The following DAB1 variants were observed in gnomAD, a reference collection of about 807,000 sequenced individuals.
The protein encoded by DAB1 is disabled homolog 1.
DAB1 carries 15 observed loss-of-function variants against 64.6 expected under a neutral mutation model. The observed-to-expected ratio is 0.23, with a 90% CI of 0.16 to 0.36. The LOEUF (loss-of-function observed/expected upper bound fraction) is 0.36, where lower values mean the gene tolerates loss of function less well. Ranked by LOEUF, DAB1 falls within the 10% of genes least tolerant of loss-of-function variation. The pLI is 1.00. For synonymous variants in DAB1, 235 were observed against 251.9 expected (o/e 0.93, Z 0.64); for missense variants, 596 against 706.7 (o/e 0.84, Z 1.78).
intron 4 of DAB1, among the ~76,000 whole-genome samples, chr1:57,094,479 C>T (rs571132888): frequency 5.9e-5 from 9 of 152,088 alleles, no homozygotes; most frequent in Non-Finnish European, 1.2e-4. Context: ...GACCATCTAC[C>T]GAGGTAAGAG....
At chr1:57,551,482 T>C (rs953813429) in intron 7 of DAB1, among the ~76,000 whole-genome samples, 2 of 152,172 alleles carry the variant, frequency 1.3e-5, no homozygotes, top group Non-Finnish European at 2.9e-5. Flanking sequence ...CTCAGATTCA[T>C]TGGAGCCTTC....
At chr1:57,852,499 C>T (rs1267411189) in intron 1 of DAB1, among the ~76,000 whole-genome samples, 2 of 152,056 alleles carry the variant, frequency 1.3e-5, no homozygotes, top group Non-Finnish European at 2.9e-5. Context: ...GAGAACCATC[C>T]GTGGTGAATG....
rs1265962587 is a variant in DAB1 at position 58,016,979 on chromosome 1, T to G, written n.388-132817A>C. ...GGACAAATCTGAGTGCACGTATTAT[T>G]CTCTGTTATTCGTAGATAAAGAAAT... On this transcript the variant is annotated intron_variant and non_coding_transcript_variant, in intron 5 of 20. Transcript: ENST00000485760. Among the ~76,000 whole-genome samples, 8 of 152,270 alleles carry G rather than the reference T, an allele frequency of 5.3e-5. No homozygotes were observed. In the South Asian group the frequency reaches 6.2e-4, roughly 12 times the overall value.
At position 57,637,832 on chromosome 1, in the gene DAB1, A is replaced by G. The variant is rs143103735; in HGVS notation, n.625+11760T>C. Among the ~76,000 whole-genome samples the G allele has an allele frequency of 5.1e-4, 77 of 152,322 alleles. No individual in the cohort carries two copies. In the East Asian group the frequency reaches 0.013, roughly 26 times the overall value. ...CTGTGTTATGAAGGTGTCCTCATAT[A>G]TAACTGATAAAGATAAAAACTTGCA... On this transcript the variant is annotated intron_variant and non_coding_transcript_variant, in intron 7 of 20. Coordinates refer to the DAB1 transcript ENST00000485760.
chr1:57,333,159 T>G (rs4912237), intron 1 of DAB1, among the ~76,000 whole-genome samples: 37,531 of 152,070 alleles, frequency 0.25, 5,875 homozygotes, highest in Non-Finnish European at 0.36. Context: ...TCTGTTTATT[T>G]ATTGATTGAT....
intron 1 of DAB1, chr1:57,860,484 C>T (rs1424113910): frequency 6.6e-6 from 1 of 152,184 alleles, no homozygotes; most frequent in Non-Finnish European, 1.5e-5. Flanking sequence ...GAATTCCACA[C>T]AGTGTTTGGA....
intron 5 of DAB1, among the ~76,000 whole-genome samples, chr1:58,016,865 C>G (rs982425989): frequency 6.6e-6 from 1 of 152,186 alleles, no homozygotes; most frequent in Non-Finnish European, 1.5e-5. Flanking sequence ...CCTTGACGTA[C>G]AATAGATAAC....
downstream of DAB1, among the ~76,000 whole-genome samples, chr1:57,823,453 C>T (rs1333106105): frequency 1.3e-5 from 2 of 151,852 alleles, no homozygotes; most frequent in East Asian, 3.9e-4. Flanking sequence ...GTTTTTCATG[C>T]AAAAAGTAAG....
chr1:58,019,913 G>A (rs1646792844), intron 5 of DAB1, among the ~76,000 whole-genome samples: 1 of 152,154 alleles, frequency 6.6e-6, no homozygotes, highest in Non-Finnish European at 1.5e-5. Context: ...TGTGAGTAGA[G>A]TAATAAGAAG....
intron 7 of DAB1, among the ~76,000 whole-genome samples, chr1:57,493,719 T>A (rs1044078668): frequency 2.7e-5 from 4 of 150,328 alleles, no homozygotes; most frequent in Admixed American, 6.6e-5. Flanking sequence ...GACCGAAAGA[T>A]GAAGAAAGAA....
chr1:58,085,736 A>C (rs563679811), intron 5 of DAB1, among the ~76,000 whole-genome samples: 2 of 152,100 alleles, frequency 1.3e-5, no homozygotes, highest in Non-Finnish European at 2.9e-5. Flanking sequence ...ATGAAATGAA[A>C]TAATTTCCCC....
At chr1:57,116,286 A>AC (rs1323627688) in intron 4 of DAB1, among the ~76,000 whole-genome samples, 2 of 151,640 alleles carry the variant, frequency 1.3e-5, no homozygotes, top group Admixed American at 6.6e-5. Flanking sequence ...ACATGGTGAA[A>AC]CCCCATCTCT....
At chr1:57,190,530 C>A (rs1664032071) in intron 2 of DAB1, among the ~76,000 whole-genome samples, 1 of 152,146 alleles carries the variant, frequency 6.6e-6, no homozygotes, top group African/African-American at 2.4e-5. Flanking sequence ...CTTCTCAAGA[C>A]AAAGCTCCAG....
intron 9 of DAB1, among the ~76,000 whole-genome samples, chr1:57,057,602 CTGAT>C (rs1649904285): frequency 6.9e-6 from 1 of 144,730 alleles, no homozygotes; most frequent in Non-Finnish European, 1.5e-5. Context: ...AAGGACTACA[CTGAT>C]TCTTTTTTTT....
chr1:58,416,958 T>C (rs1475025961), intron 3 of DAB1, among the ~76,000 whole-genome samples: 1 of 152,248 alleles, frequency 6.6e-6, no homozygotes, highest in Non-Finnish European at 1.5e-5. Flanking sequence ...CCTGGTTACA[T>C]GTCAAAATTA....
At chr1:57,219,592 T>C (rs1283519779) in intron 2 of DAB1, among the ~76,000 whole-genome samples, 2 of 152,138 alleles carry the variant, frequency 1.3e-5, no homozygotes, top group African/African-American at 4.8e-5. Flanking sequence ...CAGGATTACA[T>C]AAATTATATA....
chr1:58,115,234 G>A (rs28436179), intron 5 of DAB1, among the ~76,000 whole-genome samples: 1 of 72,202 alleles, frequency 1.4e-5, no homozygotes, highest in African/African-American at 5.8e-5. Flanking sequence ...AACACATGAA[G>A]AAATGCTCAT....
At chr1:58,031,259 A>T (rs1646965870) in intron 5 of DAB1, among the ~76,000 whole-genome samples, 1 of 152,202 alleles carries the variant, frequency 6.6e-6, no homozygotes, top group Non-Finnish European at 1.5e-5. Flanking sequence ...GGAAGCATGG[A>T]GGCAAGGCTG....
chr1:57,051,617 G>A (rs192439332), intron 9 of DAB1, among the ~76,000 whole-genome samples: 146 of 152,294 alleles, frequency 9.6e-4, no homozygotes, highest in African/African-American at 2.3e-3. Context: ...GGGATGCAGG[G>A]TGGCAATATG....
Sources: gnomAD v4.1 joint callset for allele counts (sites outside exome capture counted in the v4.1 genomes callset) on GRCh38, gnomAD v4.1.1 for gene constraint, MANE v1.5 for transcripts, NCBI Gene and HGNC (gene_info 2026-07-23, HGNC 2026-07-21) for gene names.